Variants in MB21D2 observed in about 807,000 individuals in gnomAD.
MB21D2 encodes the protein nucleotidyltransferase MB21D2.
In MB21D2, 9 loss-of-function variants were observed where a neutral mutation model predicts 33.3. The ratio of observed to expected loss-of-function variants is 0.27; its 90% CI spans 0.16 to 0.47. MB21D2 has a LOEUF of 0.47. Ranked by LOEUF, MB21D2 falls within the 20% of genes least tolerant of loss-of-function variation. The probability of loss-of-function intolerance (pLI) is 0.99; values close to 1 mark genes in which losing one functional copy is unlikely to be tolerated. For missense variants in MB21D2, 540 were observed against 624.6 expected (o/e 0.86, Z 1.44); for synonymous variants, 241 against 236.3 (o/e 1.02, Z -0.18).
At chr3:192,811,641 TTTG>T (rs1326326872) in intron 1 of MB21D2, among the ~76,000 whole-genome samples, 18 of 152,332 alleles carry the variant, frequency 1.2e-4, no homozygotes, top group African/African-American at 1.7e-4. Flanking sequence ...TATTTCTTGC[TTTG>T]TTGTTATCTC....
intron 1 of MB21D2, among the ~76,000 whole-genome samples, chr3:192,823,633 A>C (rs1245863038): frequency 6.6e-6 from 1 of 152,128 alleles, no homozygotes; most frequent in Non-Finnish European, 1.5e-5. Flanking sequence ...CCAGTCTGGG[A>C]AACAAGAGTG....
chr3:192,799,387 T>G lies in MB21D2; in HGVS notation c.475A>C (p.Ser159Arg), dbSNP rs1263418030. ...ATGGTGCAGCAGTCTTTCCATTTAC[T>G]GATTGTCCCCTCATCAAAGAGCCGA... is the stretch of plus-strand genomic sequence containing the variant. ...SLRLFDEGTI[S>R]KWKDCCTIVD... is the part of the protein sequence containing the mutation. The change falls in exon 2 of 2, where the codon AGT becomes CGT. Residue 159 changes from serine to arginine, a missense_variant. Ser to Arg is a moderately radical substitution (Grantham distance 110). Coordinates refer to ENST00000392452, the MANE Select transcript of MB21D2 (RefSeq NM_178496.4). This position sits in a 1 kb window ranked among gnomAD's most constrained non-coding sequence, Gnocchi z 4.1. 1.9e-6 allele frequency: 3 copies of G among 1,614,124 alleles called. No homozygotes were observed. In the African/African-American group the frequency reaches 4.0e-5, roughly 22 times the overall value.
rs1335166533 is a variant in MB21D2 at position 192,798,128 on chromosome 3, T to G, written c.*258A>C. 2.3e-5 allele frequency: 9 copies of G among 397,784 alleles called. No individual in the cohort carries two copies. Among genetic ancestry groups the G allele is most frequent in the Non-Finnish European group, 4.0e-5 (9 of 223,530 alleles). 24.6% of individuals were successfully genotyped at this position (397,784 alleles called of 1,614,324 possible). ...TTTCATCTATGGCTTAAGATCTCCTTAAAAAGAAAAAAAACTCCAACAAAC... is the reference window on the plus strand; with the variant it reads ...TTTCATCTATGGCTTAAGATCTCCTGAAAAAGAAAAAAAACTCCAACAAAC... On this transcript the variant is annotated 3_prime_UTR_variant, in exon 2 of 2. Transcript: ENST00000392452. This position sits in a 1 kb window ranked among gnomAD's most constrained non-coding sequence, Gnocchi z 4.8.
intron 1 of MB21D2, among the ~76,000 whole-genome samples, chr3:192,905,085 G>A (rs977358428): frequency 6.6e-6 from 1 of 152,220 alleles, no homozygotes; most frequent in Admixed American, 6.5e-5. Context: ...ATCCGCGCAA[G>A]CAGCTGCTAT....
At chr3:192,889,583 T>C (rs1487933846) in intron 1 of MB21D2, among the ~76,000 whole-genome samples, 1 of 152,118 alleles carries the variant, frequency 6.6e-6, no homozygotes, top group African/African-American at 2.4e-5. Context: ...GGCCAGGTCC[T>C]ACCTACCTCT....
chr3:192,849,211 G>A (rs1712734258), intron 1 of MB21D2, among the ~76,000 whole-genome samples: 1 of 151,284 alleles, frequency 6.6e-6, no homozygotes, highest in Admixed American at 6.6e-5. Context: ...CTCCCAGCCT[G>A]TTACTCGAAC....
intron 1 of MB21D2, among the ~76,000 whole-genome samples, chr3:192,880,621 G>A (rs187998281): frequency 5.9e-5 from 9 of 152,144 alleles, no homozygotes; most frequent in African/African-American, 1.2e-4. Flanking sequence ...AGCAGCTGTC[G>A]GAGGGGACGG....
chr3:192,812,454 T>C (rs1711809781), intron 1 of MB21D2, among the ~76,000 whole-genome samples: 1 of 152,226 alleles, frequency 6.6e-6, no homozygotes, highest in Admixed American at 6.5e-5. Context: ...CAGAGTAAGC[T>C]GAATCAGTAA....
chr3:192,912,501 C>A (rs973384016), intron 1 of MB21D2, among the ~76,000 whole-genome samples: 4 of 151,940 alleles, frequency 2.6e-5, no homozygotes, highest in Admixed American at 2.6e-4. Context: ...GGTGAAACCC[C>A]ATCTCTACTA....
chr3:192,855,301 G>A (rs932062210), intron 1 of MB21D2, among the ~76,000 whole-genome samples: 4 of 152,136 alleles, frequency 2.6e-5, no homozygotes, highest in Non-Finnish European at 5.9e-5. Context: ...GTTTCACCAC[G>A]TTGGCAAGGC....
chr3:192,907,884 A>G (rs1714246566), intron 1 of MB21D2, among the ~76,000 whole-genome samples: 2 of 152,208 alleles, frequency 1.3e-5, no homozygotes, highest in South Asian at 4.1e-4. Flanking sequence ...TGGGCATGCC[A>G]GAGGTCCGGA....
intron 1 of MB21D2, among the ~76,000 whole-genome samples, chr3:192,909,214 C>T (rs1011235696): frequency 4.6e-5 from 7 of 151,170 alleles, no homozygotes; most frequent in Non-Finnish European, 7.4e-5. Context: ...CGAGATCGCA[C>T]CACTGCACTC....
chr3:192,833,401 T>C (rs1443814628), intron 1 of MB21D2, among the ~76,000 whole-genome samples: 1 of 152,198 alleles, frequency 6.6e-6, no homozygotes, highest in Admixed American at 6.5e-5. Context: ...ATTCAAGCCA[T>C]TAAAAATCTT....
intron 1 of MB21D2, among the ~76,000 whole-genome samples, chr3:192,884,489 C>T (rs546571021): frequency 6.6e-6 from 1 of 151,788 alleles, no homozygotes; most frequent in South Asian, 2.1e-4. Flanking sequence ...GCCTCAGCCT[C>T]CCGAGTAGCT....
chr3:192,804,983 C>A (rs1332362419), intron 1 of MB21D2, among the ~76,000 whole-genome samples: 1 of 152,188 alleles, frequency 6.6e-6, no homozygotes, highest in African/African-American at 2.4e-5. Context: ...GCCCAGAAAT[C>A]ATCTATCTGA....
chr3:192,806,468 CA>C (rs759880732), intron 1 of MB21D2, among the ~76,000 whole-genome samples: 5 of 152,150 alleles, frequency 3.3e-5, no homozygotes, highest in African/African-American at 4.8e-5. Context: ...CTGTGCAGCT[CA>C]AACCTGTGTT....
At chr3:192,917,218 G>A (rs1163772504) in intron 1 of MB21D2, among the ~76,000 whole-genome samples, 2 of 152,182 alleles carry the variant, frequency 1.3e-5, no homozygotes, top group Non-Finnish European at 2.9e-5. Context: ...CCAAGAGCCG[G>A]CGTCGGGAAA....
intron 1 of MB21D2, among the ~76,000 whole-genome samples, chr3:192,814,530 A>G (rs6778051): frequency 0.074 from 11,192 of 152,142 alleles, 1,396 homozygotes; most frequent in African/African-American, 0.25. Context: ...TTAAAAGAGG[A>G]CAAAGCTGCA....
rs1714499273 is a variant in MB21D2 at position 192,917,646 on chromosome 3, G to T, written c.195C>A (p.Phe65Leu). The change falls in exon 1 of 2, where the codon TTC becomes TTA. Residue 65 changes from phenylalanine to leucine, a missense_variant. By Grantham distance (22) the Phe-to-Leu change is conservative. Coordinates refer to ENST00000392452, the MANE Select transcript of MB21D2 (RefSeq NM_178496.4). Reference sequence around the variant, plus strand: ...CCTCCTTACCCAGCATGGAAAAGATGAAATCCTTGGCTGTGTGAATCTCCA... The same window carrying T: ...CCTCCTTACCCAGCATGGAAAAGATTAAATCCTTGGCTGTGTGAATCTCCA... Reference protein sequence around the residue: ...RALEIHTAKDFIFSMLGMVQK... With the variant: ...RALEIHTAKDLIFSMLGMVQK... 6.2e-7 allele frequency: 1 copy of T among 1,614,114 alleles called. No individual in the cohort carries two copies. The highest frequency in any genetic ancestry group is 8.5e-7 in the Non-Finnish European group (1 of 1,180,020).
Sources: allele counts gnomAD v4.1 joint callset (sites outside exome capture counted in the v4.1 genomes callset), GRCh38; gene constraint gnomAD v4.1.1; non-coding constraint Gnocchi (gnomAD v3.1); transcripts MANE v1.5; gene names NCBI Gene and HGNC (gene_info 2026-07-23, HGNC 2026-07-21).